The following NRDC variants were observed in gnomAD, a reference collection of about 807,000 sequenced individuals.
The protein encoded by NRDC is nardilysin.
Under a neutral mutation model 147.1 loss-of-function variants are expected in NRDC, and 54 were observed. That is an observed-to-expected ratio of 0.37 (90% CI 0.29 to 0.46). NRDC has a LOEUF of 0.46. Among genes scored for constraint, NRDC ranks in the 20% least tolerant of loss-of-function variants. The pLI is 1.00. For synonymous variants in NRDC, 440 were observed against 482.1 expected (o/e 0.91, Z 1.14); for missense variants, 1,082 against 1,370.6 (o/e 0.79, Z 3.33).
chr1:51,874,989 T>C (rs1166954701), intron 1 of NRDC, among the ~76,000 whole-genome samples: 1 of 152,220 alleles, frequency 6.6e-6, no homozygotes, highest in African/African-American at 2.4e-5. Flanking sequence ...TGCTATGTAC[T>C]GTAATGGATC....
chr1:51,861,761 A>T (rs1682555501), intron 1 of NRDC, among the ~76,000 whole-genome samples: 1 of 152,180 alleles, frequency 6.6e-6, no homozygotes, highest in African/African-American at 2.4e-5. Context: ...TGAAGTTTTT[A>T]TTATCTTCTC....
chr1:51,794,896 AT>A, intron 22 of NRDC, 42 bp from the exon 23 acceptor site: 1 of 1,610,522 alleles, frequency 6.2e-7, no homozygotes, highest in South Asian at 1.1e-5. Context: ...CTCTCTAGAC[AT>A]TCATTTCACC....
At chr1:51,852,366 A>AT (rs1041395016) in intron 1 of NRDC, among the ~76,000 whole-genome samples, 3 of 151,462 alleles carry the variant, frequency 2.0e-5, no homozygotes, top group African/African-American at 7.3e-5. Context: ...TTGAAAGGAT[A>AT]TTTTTTTAAG....
intron 7 of NRDC, 105 bp from the exon 8 acceptor site, chr1:51,821,660 T>C (rs1336457603): frequency 3.7e-6 from 3 of 808,180 alleles, no homozygotes; most frequent in Admixed American, 2.2e-5. Context: ...AACAAAGGGA[T>C]ATTTTAATTT....
chr1:51,805,347 G>C (rs1679414166), intron 19 of NRDC, among the ~76,000 whole-genome samples, 163 bp downstream of exon 19: 1 of 151,952 alleles, frequency 6.6e-6, no homozygotes, highest in Non-Finnish European at 1.5e-5. Flanking sequence ...TTTAATGTTT[G>C]GTAATAATAC....
chr1:51,840,840 C>T (rs1043231537), intron 1 of NRDC, among the ~76,000 whole-genome samples: 10 of 152,160 alleles, frequency 6.6e-5, no homozygotes, highest in Non-Finnish European at 1.3e-4. Context: ...CACCACTCAG[C>T]CTCCCCTATT....
chr1:51,814,716 C>T lies in NRDC; in HGVS notation c.1537G>A (p.Glu513Lys). The T allele has an allele frequency of 6.2e-7, 1 of 1,610,544 alleles. No homozygotes were observed. Among genetic ancestry groups the T allele is most frequent in the Non-Finnish European group, 8.5e-7 (1 of 1,178,766 alleles). The change falls in exon 12 of 31, where the codon GAG (glutamate) becomes AAG (lysine). Residue 513 changes from glutamate to lysine, a missense_variant. By Grantham distance (56) the Glu-to-Lys change is moderately conservative (BLOSUM62 1). Around this residue, in one of 3 missense-constraint regions of NRDC, gnomAD observed 635 missense variants for 923.8 expected, o/e 0.69. Coordinates refer to ENST00000352171, the MANE Select transcript of NRDC (RefSeq NM_001101662.2). ...ACCTCATAAAAATGTTCATAACCCTCATCAGTCAATGTAATAGAAATGCTG... is the reference window on the plus strand; with the variant it reads ...ACCTCATAAAAATGTTCATAACCCTTATCAGTCAATGTAATAGAAATGCTG... ...VFSISITLTD[E>K]GYEHFYEVAY...
chr1:51,863,383 CAG>C (rs1300133581), intron 1 of NRDC, among the ~76,000 whole-genome samples: 2 of 151,830 alleles, frequency 1.3e-5, no homozygotes, highest in Admixed American at 1.3e-4. Flanking sequence ...GCCTGGGTGA[CAG>C]AGCACGACTC....
intron 22 of NRDC, chr1:51,795,277 G>A (rs1377588257): frequency 3.5e-6 from 4 of 1,146,746 alleles, no homozygotes; most frequent in Non-Finnish European, 4.6e-6. Context: ...TAAGAATTCT[G>A]TTTTCTTATC....
chr1:51,789,403 C>T lies in NRDC; in HGVS notation c.3289G>A (p.Glu1097Lys). ...TCCTCACTAGAAGGGGTACCATCCT[C>T]TTCCAGTTCATACTTCCCATATCCA... ...VVGYGKYELE[E>K]DGTPSSEDSN... The change falls in exon 31 of 31, where the codon GAG becomes AAG. Residue 1097 changes from glutamate to lysine, a missense_variant. Glu to Lys is a moderately conservative substitution (Grantham distance 56, BLOSUM62 1). This residue lies in a region of NRDC where 187 missense variants were observed against 193.6 expected (regional missense o/e 0.97). Coordinates refer to ENST00000352171, the MANE Select transcript of NRDC (RefSeq NM_001101662.2). The T allele has an allele frequency of 1.2e-6, 2 of 1,614,128 alleles. No individual in the cohort carries two copies. Among genetic ancestry groups the T allele is most frequent in the South Asian group, 1.1e-5 (1 of 91,082 alleles).
chr1:51,847,388 G>A (rs1433487435), intron 1 of NRDC, among the ~76,000 whole-genome samples: 1 of 152,254 alleles, frequency 6.6e-6, no homozygotes, highest in Admixed American at 6.5e-5. Flanking sequence ...GCACTCCTCA[G>A]CCCTTGGGCG....
chr1:51,856,210 GTTTTTC>G (rs1479288191), intron 1 of NRDC, among the ~76,000 whole-genome samples: 3 of 152,078 alleles, frequency 2.0e-5, no homozygotes, highest in Non-Finnish European at 2.9e-5. Context: ...CTCTCAAACG[GTTTTTC>G]TTTTTCTCTC....
At chr1:51,865,897 A>AG (rs1282746212) in intron 1 of NRDC, among the ~76,000 whole-genome samples, 1 of 146,752 alleles carries the variant, frequency 6.8e-6, no homozygotes, top group Non-Finnish European at 1.5e-5. Flanking sequence ...TAAATATACA[A>AG]AAAAAAAAAA....
intron 1 of NRDC, among the ~76,000 whole-genome samples, chr1:51,864,257 G>T (rs979215686): frequency 6.6e-6 from 1 of 152,168 alleles, no homozygotes; most frequent in Non-Finnish European, 1.5e-5. Flanking sequence ...ACCTAGCTAT[G>T]TGGAAAGACA....
At chr1:51,832,378 T>C (rs1158357807) in intron 4 of NRDC, among the ~76,000 whole-genome samples, 1 of 152,154 alleles carries the variant, frequency 6.6e-6, no homozygotes, top group Non-Finnish European at 1.5e-5. Flanking sequence ...ATCTCTATCA[T>C]GTTTAAAAAA....
chr1:51,852,336 A>C (rs1298563982), intron 1 of NRDC, among the ~76,000 whole-genome samples: 1 of 151,882 alleles, frequency 6.6e-6, no homozygotes, highest in Non-Finnish European at 1.5e-5. Context: ...GTCCCAGCTA[A>C]AAATCTGATA....
intron 1 of NRDC, among the ~76,000 whole-genome samples, chr1:51,850,168 C>T (rs1277084893): frequency 6.6e-6 from 1 of 151,710 alleles, no homozygotes; most frequent in Non-Finnish European, 1.5e-5. Flanking sequence ...CAGAGCGAGA[C>T]TCTATCTCAA....
At chr1:51,800,730 A>AG (rs1245104875) in intron 20 of NRDC, 47 bp from the exon 21 acceptor site, 1 of 1,597,206 alleles carries the variant, frequency 6.3e-7, no homozygotes, top group East Asian at 2.2e-5. Context: ...GAAATCCACT[A>AG]GGTATTAGGG....
chr1:51,838,736 T>C (rs1180414008), intron 2 of NRDC, among the ~76,000 whole-genome samples: 1 of 152,308 alleles, frequency 6.6e-6, no homozygotes, highest in East Asian at 1.9e-4. Context: ...TTCTTTTTTT[T>C]TGTGACTTTT....
Sources: gnomAD v4.1 joint callset for allele counts (sites outside exome capture counted in the v4.1 genomes callset) on GRCh38, gnomAD v4.1.1 for gene constraint, gnomAD v4.1.1 regional missense constraint, MANE v1.5 for transcripts, NCBI Gene and HGNC (gene_info 2026-07-23, HGNC 2026-07-21) for gene names.